DEPDC5: variants seen among roughly 807,000 people sequenced by gnomAD.
The protein encoded by DEPDC5 is GATOR1 complex protein DEPDC5.
Under a neutral mutation model 217.3 loss-of-function variants are expected in DEPDC5, and 73 were observed. The ratio of observed to expected loss-of-function variants is 0.34; its 90% CI spans 0.28 to 0.41. DEPDC5 has a LOEUF of 0.41. DEPDC5 is among the 10% of genes least tolerant of loss of function. The pLI is 1.00. For synonymous variants in DEPDC5, 733 were observed against 756.7 expected, an observed-to-expected ratio of 0.97 and a Z score of 0.51; for missense variants, 1,675 against 2,070.1, an observed-to-expected ratio of 0.81 and a Z score of 3.70.
intron 24 of DEPDC5, among the ~76,000 whole-genome samples, chr22:31,827,930 G>A (rs771534193): frequency 5.3e-5 from 8 of 152,148 alleles, no homozygotes; most frequent in Non-Finnish European, 1.0e-4. Context: ...TGTATTGGAT[G>A]ATAAATGACA....
At chr22:31,882,317 A>G (rs1033735886) in intron 38 of DEPDC5, among the ~76,000 whole-genome samples, 1 of 152,214 alleles carries the variant, frequency 6.6e-6, no homozygotes, top group African/African-American at 2.4e-5. Flanking sequence ...GATACGCACC[A>G]AAGAGAGAGC....
chr22:31,856,155 GCACACACACA>G (rs136863), intron 31 of DEPDC5, among the ~76,000 whole-genome samples: 8 of 140,676 alleles, frequency 5.7e-5, no homozygotes, highest in East Asian at 2.1e-4. Context: ...GGGCCAACGC[GCACACACACA>G]CACACACACA....
At chr22:31,862,103 G>A (rs559409550) in intron 33 of DEPDC5, among the ~76,000 whole-genome samples, 4 of 152,174 alleles carry the variant, frequency 2.6e-5, no homozygotes, top group Admixed American at 6.5e-5. Flanking sequence ...TTAGCTGGGC[G>A]TGGTGGTGCA....
intron 5 of DEPDC5, among the ~76,000 whole-genome samples, chr22:31,766,136 C>T (rs2082798592): frequency 6.6e-6 from 1 of 152,208 alleles, no homozygotes; most frequent in South Asian, 2.1e-4. Context: ...TTGTCCTAAC[C>T]ATTTTCTGTA....
chr22:31,821,752 A>G lies in DEPDC5; in HGVS notation c.2006+115A>G, dbSNP rs979418425. 4.3e-5 allele frequency: 63 copies of G among 1,458,268 alleles called. No individual in the cohort carries two copies. The South Asian group carries it at 6.3e-4, about 15-fold the overall frequency. The allele number at this position is 1,458,268 out of a possible 1,614,324, so 90.3% of individuals were successfully genotyped here. A position where few individuals can be genotyped will look rare whatever the true frequency, so the allele number is the denominator to read the frequency against. ...TGTTTAGAAGACTTGAAAAGACAGT[A>G]TGAGGTCAGGGCCTTCCTTTGTTGG... On this transcript the variant is annotated intron_variant, in intron 23 of 42. Transcript: ENST00000651528.
intron 18 of DEPDC5, 147 bp downstream of exon 18, chr22:31,806,338 T>C (rs745432605): frequency 1.4e-4 from 93 of 674,194 alleles, no homozygotes; most frequent in Non-Finnish European, 2.1e-4. Context: ...AGAAGGTAGA[T>C]TTCATTAATC....
At chr22:31,873,739 C>G in intron 35 of DEPDC5, 1 of 165,648 alleles carries the variant, frequency 6.0e-6, no homozygotes, top group Non-Finnish European at 1.3e-5. Context: ...TGTGAGTTCC[C>G]ATCTTTTCCT....
intron 5 of DEPDC5, among the ~76,000 whole-genome samples, chr22:31,766,033 A>G (rs1366302002): frequency 6.6e-6 from 1 of 152,192 alleles, no homozygotes; most frequent in Non-Finnish European, 1.5e-5. Flanking sequence ...TCAAAAAATA[A>G]TAATAACTAA....
chr22:31,861,967 G>A (rs891980992), intron 33 of DEPDC5, among the ~76,000 whole-genome samples: 28 of 152,304 alleles, frequency 1.8e-4, no homozygotes, highest in African/African-American at 4.8e-4. Context: ...AGCCGGGTGC[G>A]GTGGCTCACG....
intron 26 of DEPDC5, 61 bp downstream of exon 26, chr22:31,837,216 C>T: frequency 6.4e-7 from 1 of 1,563,424 alleles, no homozygotes; most frequent in Non-Finnish European, 8.8e-7. Context: ...ATATCCCACA[C>T]ATGCATCAGA....
chr22:31,765,130 G>T, intron 5 of DEPDC5, 70 bp downstream of exon 5: 2 of 1,197,998 alleles, frequency 1.7e-6, no homozygotes, highest in Non-Finnish European at 2.5e-6. Context: ...GATTACTAAG[G>T]AAACAATGGG....
chr22:31,802,787 G>C lies in DEPDC5; in HGVS notation c.1030G>C (p.Glu344Gln). 6.2e-7 allele frequency: 1 copy of C among 1,606,536 alleles called. No individual in the cohort carries two copies. Among genetic ancestry groups the C allele is most frequent in the Non-Finnish European group, 8.5e-7 (1 of 1,176,886 alleles). Residue 344 changes from glutamate (E) to glutamine (Q), a missense_variant, in exon 15 of 43, where the codon GAA becomes CAA. This residue lies in a region of DEPDC5 where 628 missense variants were observed against 762.1 expected (regional missense o/e 0.82). Coordinates refer to ENST00000651528, the MANE Select transcript of DEPDC5 (RefSeq NM_001242896.3). ...GATCACGCCCGGGGTGGGTGTCTTT[G>C]AAGTGGACCGCCTACTCATGATCCT... ...VVITPGVGVF[E>Q]VDRLLMILTK...
intron 7 of DEPDC5, among the ~76,000 whole-genome samples, chr22:31,773,629 T>G (rs1465263161): frequency 6.6e-6 from 1 of 152,244 alleles, no homozygotes; most frequent in African/African-American, 2.4e-5. Context: ...TTACTTTCTT[T>G]TGCTGACTTC....
intron 41 of DEPDC5, among the ~76,000 whole-genome samples, chr22:31,904,074 A>G (rs140014403): frequency 1.7e-3 from 254 of 152,136 alleles, no homozygotes; most frequent in Admixed American, 2.4e-3. Context: ...CTAGGCTGTG[A>G]CCTACAGCTC....
At chr22:31,819,272 C>A in intron 22 of DEPDC5, 47 bp downstream of exon 22, 1 of 1,602,892 alleles carries the variant, frequency 6.2e-7, no homozygotes, top group South Asian at 1.1e-5. Context: ...AGCTCCTAGC[C>A]CTGGTCCTCA....
At chr22:31,841,994 G>C (rs2091422598) in intron 27 of DEPDC5, among the ~76,000 whole-genome samples, 2 of 152,124 alleles carry the variant, frequency 1.3e-5, no homozygotes, top group Admixed American at 1.3e-4. Flanking sequence ...TCATTTTCTT[G>C]ATTCCTGATT....
At chr22:31,829,148 G>A (rs990983291) in intron 24 of DEPDC5, among the ~76,000 whole-genome samples, 3 of 152,092 alleles carry the variant, frequency 2.0e-5, no homozygotes, top group African/African-American at 4.8e-5. Flanking sequence ...AAGTAGGTTG[G>A]GTACATTATG....
chr22:31,789,395 C>T (rs535066160), intron 10 of DEPDC5, among the ~76,000 whole-genome samples: 1 of 152,230 alleles, frequency 6.6e-6, no homozygotes, highest in Admixed American at 6.5e-5. Flanking sequence ...GGATCAAATA[C>T]AAATCATAAG....
At chr22:31,893,492 T>G in intron 38 of DEPDC5, 90 bp from the exon 39 acceptor site, 1 of 1,316,124 alleles carries the variant, frequency 7.6e-7, no homozygotes, top group South Asian at 1.9e-5. Flanking sequence ...CACTTGTATA[T>G]AGTTTCATAT....
Sources: allele counts gnomAD v4.1 joint callset (sites outside exome capture counted in the v4.1 genomes callset), GRCh38; gene constraint gnomAD v4.1.1; regional missense constraint gnomAD v4.1.1; transcripts MANE v1.5; gene names NCBI Gene and HGNC (gene_info 2026-07-23, HGNC 2026-07-21).